Variants in TOP6BL observed in about 807,000 individuals in gnomAD.
TOP6BL encodes the protein type 2 DNA topoisomerase 6 subunit B-like.
the TOP6BL span, chr11:66,813,990 CA>C: frequency 1.2e-6 from 2 of 1,613,552 alleles, no homozygotes; most frequent in Non-Finnish European, 1.7e-6. Flanking sequence ...GTATGATACC[CA>C]ATTTGGATCT....
chr11:66,754,015 T>TA, the TOP6BL span, among the ~76,000 whole-genome samples: 14 of 152,336 alleles, frequency 9.2e-5, 1 homozygote, highest in Middle Eastern at 3.4e-3. Flanking sequence ...AACCAGGACT[T>TA]AGTCTTATTG....
At chr11:66,835,470 ATTGATT>A in the TOP6BL span, among the ~76,000 whole-genome samples, 8 of 152,346 alleles carry the variant, frequency 5.3e-5, no homozygotes, top group African/African-American at 1.2e-4. Flanking sequence ...AATAAAACTC[ATTGATT>A]TTAAGTATAT....
the TOP6BL span, chr11:66,759,232 A>G: frequency 5.4e-6 from 3 of 558,134 alleles, no homozygotes; most frequent in South Asian, 3.7e-5. Context: ...CTTAAATTTG[A>G]ATTTCAGATA....
At chr11:66,759,975 T>C in the TOP6BL span, among the ~76,000 whole-genome samples, 1 of 152,240 alleles carries the variant, frequency 6.6e-6, no homozygotes, top group East Asian at 1.9e-4. Flanking sequence ...TTAGAACTCT[T>C]ACGCTTTCAT....
chr11:66,762,658 A>T, the TOP6BL span, among the ~76,000 whole-genome samples: 1 of 151,918 alleles, frequency 6.6e-6, no homozygotes, highest in Non-Finnish European at 1.5e-5. Context: ...TTTAGTAGAG[A>T]CGGGGTTTCA....
chr11:66,778,149 G>A, the TOP6BL span, among the ~76,000 whole-genome samples: 1 of 145,018 alleles, frequency 6.9e-6, no homozygotes, highest in East Asian at 2.0e-4. Context: ...TGATTCTCCT[G>A]CCTCAGCCTC....
chr11:66,813,955 G>C, the TOP6BL span: 1 of 1,613,818 alleles, frequency 6.2e-7, no homozygotes, highest in Non-Finnish European at 8.5e-7. Flanking sequence ...CTCTTCTTTA[G>C]TTGACTGGAA....
chr11:66,777,779 A>T, the TOP6BL span, among the ~76,000 whole-genome samples: 7 of 151,962 alleles, frequency 4.6e-5, no homozygotes, highest in Non-Finnish European at 1.0e-4. Context: ...GGCTGAGGCA[A>T]GGGAATCACT....
At chr11:66,829,585 A>AAG in the TOP6BL span, among the ~76,000 whole-genome samples, 5 of 150,906 alleles carry the variant, frequency 3.3e-5, no homozygotes, top group African/African-American at 7.3e-5. Flanking sequence ...AAAAAAAAAA[A>AAG]ACAAAACCAT....
At chr11:66,787,431 C>T in the TOP6BL span, among the ~76,000 whole-genome samples, 363 of 151,022 alleles carry the variant, frequency 2.4e-3, 5 homozygotes, top group East Asian at 0.022. Context: ...GCAGGCCAGG[C>T]GCGGTGGCTC....
At chr11:66,759,005 C>T in the TOP6BL span, 3 of 1,454,308 alleles carry the variant, frequency 2.1e-6, no homozygotes, top group Non-Finnish European at 1.9e-6. Flanking sequence ...AATGCATTTA[C>T]TTATTTGTGA....
chr11:66,748,559 T>C, the TOP6BL span: 1 of 1,442,220 alleles, frequency 6.9e-7, no homozygotes, highest in Non-Finnish European at 9.3e-7. Flanking sequence ...TCTTTTGTCA[T>C]GGTTTATGTC....
chr11:66,765,930 C>CT, the TOP6BL span, among the ~76,000 whole-genome samples: 3 of 152,034 alleles, frequency 2.0e-5, no homozygotes, highest in Admixed American at 6.6e-5. Context: ...TTAATTATGC[C>CT]TTTTTTACTA....
At chr11:66,747,911 C>A in the TOP6BL span, among the ~76,000 whole-genome samples, 4 of 152,268 alleles carry the variant, frequency 2.6e-5, no homozygotes, top group African/African-American at 9.6e-5. Context: ...TAAGCTACCG[C>A]GCAGGGCAGC....
At chr11:66,808,606 CTG>C in the TOP6BL span, among the ~76,000 whole-genome samples, 2 of 151,144 alleles carry the variant, frequency 1.3e-5, no homozygotes, top group East Asian at 3.9e-4. Context: ...AAAACTGAAA[CTG>C]TAAAATATGA....
At chr11:66,804,053 C>T in the TOP6BL span, 7 of 1,613,870 alleles carry the variant, frequency 4.3e-6, no homozygotes, top group Non-Finnish European at 5.9e-6. Context: ...TGTGCTAGGA[C>T]ATCCAGTAAT....
the TOP6BL span, among the ~76,000 whole-genome samples, chr11:66,832,427 G>C: frequency 6.6e-6 from 1 of 152,262 alleles, no homozygotes; most frequent in East Asian, 1.9e-4. Context: ...TGAGTAACAG[G>C]GCCTTTGGTA....
the TOP6BL span, chr11:66,788,212 G>A: frequency 6.2e-7 from 1 of 1,613,922 alleles, no homozygotes; most frequent in South Asian, 1.1e-5. Flanking sequence ...GGACTTCAGA[G>A]GAAGGCAGCT....
At chr11:66,773,219 C>G in the TOP6BL span, among the ~76,000 whole-genome samples, 8 of 151,484 alleles carry the variant, frequency 5.3e-5, no homozygotes, top group African/African-American at 1.9e-4. Flanking sequence ...ACCACCACAC[C>G]TGGTTTGTAT....
Sources: allele counts gnomAD v4.1 joint callset (sites outside exome capture counted in the v4.1 genomes callset), GRCh38; gene constraint gnomAD v4.1.1; transcripts MANE v1.5; gene names NCBI Gene and HGNC (gene_info 2026-07-23, HGNC 2026-07-21).